The following PTPRD variants were observed in gnomAD, a reference collection of about 807,000 sequenced individuals.
The protein encoded by PTPRD is protein tyrosine phosphatase receptor type D, also known as receptor-type tyrosine-protein phosphatase delta.
A neutral mutation model predicts 214.5 loss-of-function variants in PTPRD; 34 were observed. That is an observed-to-expected ratio of 0.16 (90% CI 0.12 to 0.21). The LOEUF is 0.21. Ranked by LOEUF, PTPRD falls within the 10% of genes least tolerant of loss-of-function variation. PTPRD has a pLI of 1.00. For synonymous variants in PTPRD, 1,128 were observed against 845.7 expected (o/e 1.33, Z -5.79); for missense variants, 2,545 against 2,398.7 (o/e 1.06, Z -1.27).
chr9:10,247,473 G>T (rs2092285632), intron 3 of PTPRD, among the ~76,000 whole-genome samples: 3 of 152,046 alleles, frequency 2.0e-5, no homozygotes, highest in Non-Finnish European at 1.5e-5. Flanking sequence ...TTTTAGTGGG[G>T]TTTTTATTTT....
At chr9:9,646,137 C>T (rs2096155538) in intron 7 of PTPRD, among the ~76,000 whole-genome samples, 1 of 152,120 alleles carries the variant, frequency 6.6e-6, no homozygotes, top group South Asian at 2.1e-4. Context: ...TGATAGTATT[C>T]CCTCTGCCTA....
intron 14 of PTPRD, among the ~76,000 whole-genome samples, chr9:8,583,003 G>C (rs893957852): frequency 6.6e-6 from 1 of 152,260 alleles, no homozygotes; most frequent in East Asian, 1.9e-4. Context: ...CTTAAAAATG[G>C]ATTAATAAAT....
At chr9:9,161,405 C>T (rs1386658877) in intron 10 of PTPRD, among the ~76,000 whole-genome samples, 3 of 152,018 alleles carry the variant, frequency 2.0e-5, no homozygotes, top group Non-Finnish European at 4.4e-5. Context: ...ATATATGGGG[C>T]ACTTTTTCTT....
At chr9:10,433,302 A>C (rs2098695461) in intron 2 of PTPRD, among the ~76,000 whole-genome samples, 1 of 151,988 alleles carries the variant, frequency 6.6e-6, no homozygotes, top group South Asian at 2.1e-4. Context: ...ATTTTGAGAT[A>C]CACGCTGTCA....
At chr9:9,134,482 A>G (rs1256177062) in intron 10 of PTPRD, among the ~76,000 whole-genome samples, 1 of 152,164 alleles carries the variant, frequency 6.6e-6, no homozygotes, top group Non-Finnish European at 1.5e-5. Context: ...AAACTGGAAT[A>G]CAGCAGTAGC....
At chr9:8,455,337 G>A (rs1427181953) in intron 33 of PTPRD, among the ~76,000 whole-genome samples, 1 of 152,152 alleles carries the variant, frequency 6.6e-6, no homozygotes, top group African/African-American at 2.4e-5. Flanking sequence ...AGTCTGTGGT[G>A]CTGTCTGTGA....
intron 11 of PTPRD, among the ~76,000 whole-genome samples, chr9:8,980,587 G>T (rs973392225): frequency 6.6e-6 from 1 of 152,014 alleles, no homozygotes; most frequent in African/African-American, 2.4e-5. Flanking sequence ...GGATATTAAA[G>T]TTATCTCAGA....
intron 8 of PTPRD, among the ~76,000 whole-genome samples, chr9:9,449,812 T>G (rs2091598700): frequency 6.6e-6 from 1 of 151,940 alleles, no homozygotes; most frequent in Admixed American, 6.6e-5. Flanking sequence ...TGGTGATTTC[T>G]GAGATATTGG....
At chr9:9,011,850 C>A (rs1295457838) in intron 11 of PTPRD, among the ~76,000 whole-genome samples, 2 of 152,136 alleles carry the variant, frequency 1.3e-5, no homozygotes, top group Non-Finnish European at 2.9e-5. Flanking sequence ...ACTCTAAGGT[C>A]TTTCCTTTGG....
intron 7 of PTPRD, among the ~76,000 whole-genome samples, chr9:9,624,254 T>C (rs969773404): frequency 1.3e-5 from 2 of 149,734 alleles, no homozygotes; most frequent in Non-Finnish European, 3.0e-5. Flanking sequence ...TCTATTACTT[T>C]GTATTTCAGT....
chr9:8,695,818 G>T (rs2154385908), intron 12 of PTPRD, among the ~76,000 whole-genome samples: 1 of 152,234 alleles, frequency 6.6e-6, no homozygotes, highest in South Asian at 2.1e-4. Flanking sequence ...CTTTCACTTT[G>T]TTTTAGCATA....
At chr9:8,771,874 A>C (rs7021320) in intron 11 of PTPRD, among the ~76,000 whole-genome samples, 7,201 of 152,166 alleles carry the variant, frequency 0.047, 436 homozygotes, top group African/African-American at 0.14. Flanking sequence ...TCTTATAAAA[A>C]AGCCCAACGC....
intron 2 of PTPRD, among the ~76,000 whole-genome samples, chr9:10,449,275 G>C (rs112698069): frequency 6.6e-6 from 1 of 151,818 alleles, no homozygotes; most frequent in Non-Finnish European, 1.5e-5. Flanking sequence ...TCCTGACGGC[G>C]AGTGATCTGC....
intron 3 of PTPRD, among the ~76,000 whole-genome samples, chr9:10,339,804 C>T (rs2096906604): frequency 1.3e-5 from 2 of 151,528 alleles, no homozygotes; most frequent in African/African-American, 4.8e-5. Context: ...AGATTAGAAC[C>T]AACAAACAAC....
chr9:10,445,586 T>C (rs1366858070), intron 2 of PTPRD, among the ~76,000 whole-genome samples: 1 of 152,012 alleles, frequency 6.6e-6, no homozygotes, highest in Non-Finnish European at 1.5e-5. Flanking sequence ...AAGAGAAAAG[T>C]TGAAGTATAC....
intron 39 of PTPRD, among the ~76,000 whole-genome samples, chr9:8,348,814 A>G (rs2074583537): frequency 6.6e-6 from 1 of 152,084 alleles, no homozygotes; most frequent in Non-Finnish European, 1.5e-5. Context: ...ATTCACCTCA[A>G]CTGCTGCACC....
intron 11 of PTPRD, among the ~76,000 whole-genome samples, chr9:8,824,208 C>A (rs1398092232): frequency 6.6e-6 from 1 of 152,148 alleles, no homozygotes; most frequent in South Asian, 2.1e-4. Context: ...GGGAATGCAG[C>A]CCAGTGGGTC....
At chr9:8,337,211 A>ATGAT (rs1267528897) in intron 43 of PTPRD, among the ~76,000 whole-genome samples, 1 of 152,208 alleles carries the variant, frequency 6.6e-6, no homozygotes, top group East Asian at 1.9e-4. Flanking sequence ...ATGTCCATCA[A>ATGAT]TGATAGATTG....
At chr9:9,915,378 T>TAC in intron 5 of PTPRD, among the ~76,000 whole-genome samples, 1 of 151,814 alleles carries the variant, frequency 6.6e-6, no homozygotes, top group Non-Finnish European at 1.5e-5. Context: ...AGTAAACAGA[T>TAC]ACCAATCATA....
Sources: gnomAD v4.1 joint callset for allele counts (sites outside exome capture counted in the v4.1 genomes callset) on GRCh38, gnomAD v4.1.1 for gene constraint, MANE v1.5 for transcripts, NCBI Gene and HGNC (gene_info 2026-07-23, HGNC 2026-07-21) for gene names.